Variants in PTK2 observed in about 807,000 individuals in gnomAD.
PTK2 encodes the protein focal adhesion kinase 1.
In PTK2, 45 loss-of-function variants were observed where a neutral mutation model predicts 150.1. The ratio of observed to expected loss-of-function variants is 0.30; its 90% confidence interval spans 0.24 to 0.38. PTK2 has a LOEUF of 0.38. Among genes scored for constraint, PTK2 ranks in the 10% least tolerant of loss-of-function variants. PTK2 has a pLI of 1.00. For missense variants in PTK2, 919 were observed against 1,307.3 expected (o/e 0.70, Z 4.58); for synonymous variants, 432 against 449.2 (o/e 0.96, Z 0.48).
intron 4 of PTK2, among the ~76,000 whole-genome samples, chr8:140,874,146 CCA>C (rs1257556489): frequency 2.6e-5 from 4 of 152,134 alleles, no homozygotes; most frequent in Non-Finnish European, 5.9e-5. Flanking sequence ...TTCCTTTCTC[CCA>C]GTGACATGTC....
chr8:140,715,163 T>C (rs1465021779), intron 23 of PTK2, among the ~76,000 whole-genome samples: 1 of 107,092 alleles, frequency 9.3e-6, no homozygotes, highest in East Asian at 2.7e-4. Context: ...CCGTTTTTTT[T>C]TTTTTTTTTT....
At chr8:140,659,389 G>T in exon 32 of PTK2, 1 of 1,337,420 alleles carries the variant, frequency 7.5e-7, no homozygotes, top group South Asian at 1.3e-5. Context: ...GAGGACACAG[G>T]GTTAATTCCT....
chr8:140,981,370 T>G (rs2100191361), intron 1 of PTK2, among the ~76,000 whole-genome samples: 1 of 151,648 alleles, frequency 6.6e-6, no homozygotes, highest in African/African-American at 2.4e-5. Context: ...GTGGCACCGG[T>G]GTGAGGGGTG....
At chr8:140,726,593 A>C (rs1207321300) in intron 22 of PTK2, among the ~76,000 whole-genome samples, 2 of 152,128 alleles carry the variant, frequency 1.3e-5, no homozygotes, top group Non-Finnish European at 2.9e-5. Context: ...AAGACAGTAA[A>C]AGAACATCTT....
chr8:140,917,010 T>C (rs938202513), intron 2 of PTK2, among the ~76,000 whole-genome samples: 10 of 152,224 alleles, frequency 6.6e-5, no homozygotes, highest in Non-Finnish European at 4.4e-5. Context: ...CAGCATGGCA[T>C]GTAGTATTTC....
intron 2 of PTK2, among the ~76,000 whole-genome samples, chr8:140,897,418 G>T (rs535911770): frequency 1.3e-5 from 2 of 152,026 alleles, no homozygotes; most frequent in South Asian, 4.2e-4. Context: ...TGTTTTATCT[G>T]CTTGTCAAAA....
At chr8:140,863,575 T>G (rs2100137507) in intron 5 of PTK2, among the ~76,000 whole-genome samples, 1 of 152,196 alleles carries the variant, frequency 6.6e-6, no homozygotes, top group African/African-American at 2.4e-5. Flanking sequence ...AACTCTTCCT[T>G]TTCTACAAAG....
chr8:140,872,495 C>A (rs1249156314), intron 4 of PTK2, among the ~76,000 whole-genome samples: 1 of 152,234 alleles, frequency 6.6e-6, no homozygotes, highest in Non-Finnish European at 1.5e-5. Flanking sequence ...CTTAACTGGG[C>A]TCTCCCAGCA....
chr8:140,732,149 TTTAG>T (rs1217805763), intron 22 of PTK2, among the ~76,000 whole-genome samples: 2 of 152,212 alleles, frequency 1.3e-5, no homozygotes, highest in Non-Finnish European at 1.5e-5. Context: ...TAATAACCTA[TTTAG>T]TTATTGTGAT....
intron 23 of PTK2, among the ~76,000 whole-genome samples, chr8:140,709,032 T>C (rs1340548631): frequency 6.6e-6 from 1 of 151,752 alleles, no homozygotes; most frequent in African/African-American, 2.4e-5. Flanking sequence ...CTACTTTACA[T>C]ACAATTTGAT....
chr8:140,995,381 CAAAA>C (rs34527935), intron 1 of PTK2, among the ~76,000 whole-genome samples: 2 of 92,374 alleles, frequency 2.2e-5, no homozygotes, highest in Non-Finnish European at 4.3e-5. Context: ...GACTCCGTCT[CAAAA>C]AAAAAAAAAA....
chr8:140,724,965 C>A (rs1052019161), intron 22 of PTK2, among the ~76,000 whole-genome samples: 37 of 152,168 alleles, frequency 2.4e-4, no homozygotes, highest in African/African-American at 8.7e-4. Flanking sequence ...AGATTATGGC[C>A]TTTAGTCTCC....
At chr8:140,790,340 T>A (rs1436310931) in intron 13 of PTK2, among the ~76,000 whole-genome samples, 1 of 152,234 alleles carries the variant, frequency 6.6e-6, no homozygotes, top group African/African-American at 2.4e-5. Flanking sequence ...TTTTGGAATG[T>A]CTGCATATAC....
rs568374015 is a variant in PTK2 at position 140,892,081 on chromosome 8, TC to T, written c.-32-1313del. On this transcript the variant is annotated intron_variant, in intron 2 of 31. Coordinates refer to ENST00000522684, the Ensembl canonical transcript of PTK2. ...AATTAGCTTGGGCGTGGTAGCGTGTTCCTGTAGTCCCAGCTACTCAGGAGGC... is the reference window on the plus strand; with the variant it reads ...AATTAGCTTGGGCGTGGTAGCGTGTTCTGTAGTCCCAGCTACTCAGGAGGC... Among the ~76,000 whole-genome samples, 31 of 152,192 alleles carry T rather than the reference TC, an allele frequency of 2.0e-4. 1 individual carries two copies. In the South Asian group the frequency reaches 6.2e-3, roughly 31 times the overall value.
At chr8:140,675,349 G>T in intron 28 of PTK2, 111 bp downstream of exon 31, 2 of 1,168,948 alleles carry the variant, frequency 1.7e-6, no homozygotes, top group Non-Finnish European at 1.3e-6. Flanking sequence ...GTGGTCTGTA[G>T]AGGAAAAATT....
exon 32 of PTK2, chr8:140,658,639 C>T (rs2075502546): frequency 4.8e-6 from 1 of 208,332 alleles, no homozygotes; most frequent in African/African-American, 2.3e-5. Context: ...AAATAGTCAA[C>T]ATGGCTTTAA....
intron 22 of PTK2, among the ~76,000 whole-genome samples, chr8:140,731,794 T>G (rs1592649785): frequency 6.6e-6 from 1 of 152,174 alleles, no homozygotes; most frequent in East Asian, 1.9e-4. Flanking sequence ...TCCCAGCTAC[T>G]CAGGAGGCTA....
intron 1 of PTK2, among the ~76,000 whole-genome samples, chr8:140,963,408 C>T (rs1262545409): frequency 6.6e-6 from 1 of 152,122 alleles, no homozygotes; most frequent in Non-Finnish European, 1.5e-5. Context: ...AAAAATCCTG[C>T]CCTTAACCAT....
chr8:140,670,025 AGCAGCAGT>A (rs1468700355), intron 29 of PTK2: 3 of 395,418 alleles, frequency 7.6e-6, no homozygotes, highest in African/African-American at 6.1e-5. Context: ...GGAACAATCC[AGCAGCAGT>A]GCAAGGTCAA....
Sources: allele counts gnomAD v4.1 joint callset (sites outside exome capture counted in the v4.1 genomes callset), GRCh38; gene constraint gnomAD v4.1.1; transcripts MANE v1.5; gene names NCBI Gene and HGNC (gene_info 2026-07-23, HGNC 2026-07-21).